B3GALT1: variants seen among roughly 807,000 people sequenced by gnomAD.
The protein encoded by B3GALT1 is UDP-Gal:betaGlcNAc beta 1,3-galactosyltransferase, polypeptide 1.
Under a neutral mutation model 23.2 loss-of-function variants are expected in B3GALT1, and 10 were observed. The ratio of observed to expected loss-of-function variants is 0.43; its 90% confidence interval spans 0.27 to 0.73. B3GALT1 has a LOEUF of 0.73. Among genes scored for constraint, B3GALT1 ranks in the 30% least tolerant of loss-of-function variants. B3GALT1 has a pLI of 0.21. For missense variants in B3GALT1, 299 were observed against 405.4 expected (o/e 0.74, Z 2.25); for synonymous variants, 156 against 141.5 (o/e 1.10, Z -0.73).
chr2:167,615,275 C>G (rs1252193578), intron 2 of B3GALT1, among the ~76,000 whole-genome samples: 1 of 151,908 alleles, frequency 6.6e-6, no homozygotes, highest in Non-Finnish European at 1.5e-5. Context: ...TAAAACAAGC[C>G]AGACACAGAA....
intron 1 of B3GALT1, among the ~76,000 whole-genome samples, chr2:167,364,850 T>C (rs934585139): frequency 6.6e-6 from 1 of 152,214 alleles, no homozygotes; most frequent in African/African-American, 2.4e-5. Context: ...ATTGCAAGAC[T>C]ATGTAGAATC....
intron 2 of B3GALT1, among the ~76,000 whole-genome samples, chr2:167,493,337 A>G (rs897146552): frequency 6.6e-6 from 1 of 152,108 alleles, no homozygotes; most frequent in African/African-American, 2.4e-5. Context: ...TAATATTTCC[A>G]TTTTCAAATA....
At chr2:167,395,105 G>A (rs1295068848) in intron 1 of B3GALT1, among the ~76,000 whole-genome samples, 1 of 152,084 alleles carries the variant, frequency 6.6e-6, no homozygotes, top group Non-Finnish European at 1.5e-5. Context: ...TGCTGTGATG[G>A]GTTGAGACTT....
At chr2:167,447,413 G>A (rs1055151261) in intron 1 of B3GALT1, among the ~76,000 whole-genome samples, 5 of 152,212 alleles carry the variant, frequency 3.3e-5, no homozygotes, top group African/African-American at 7.2e-5. Context: ...ATTTAAGTCT[G>A]CAGAAGTTTC....
chr2:167,441,687 TG>T (rs999733636), intron 1 of B3GALT1, among the ~76,000 whole-genome samples: 11 of 152,278 alleles, frequency 7.2e-5, no homozygotes, highest in African/African-American at 2.2e-4. Flanking sequence ...AGATGCTCTC[TG>T]GTTTTAATGA....
rs183543272 is a variant in B3GALT1, at chr2:167,817,771, T to G, written c.-351-901T>G. Among the ~76,000 whole-genome samples the G allele has an allele frequency of 2.0e-3, 287 of 146,332 alleles. 1 individual carries two copies. Among genetic ancestry groups the G allele is most frequent in the African/African-American group, 7.6e-3 (273 of 35,888 alleles). On this transcript the variant is annotated intron_variant, in intron 3 of 4. Coordinates refer to ENST00000392690, the MANE Select transcript of B3GALT1 (RefSeq NM_020981.4). ...TTACTCTATGATATACATGAACAGT[T>G]AGTTAGAATAGAACATTCCACTTTT...
At chr2:167,701,792 T>C (rs185018157) in intron 3 of B3GALT1, among the ~76,000 whole-genome samples, 92 of 152,340 alleles carry the variant, frequency 6.0e-4, no homozygotes, top group Non-Finnish European at 1.0e-3. Flanking sequence ...TAACGTTTCC[T>C]GGCCAGGCAT....
chr2:167,850,165 C>T (rs1374076634), intron 4 of B3GALT1, among the ~76,000 whole-genome samples: 2 of 152,140 alleles, frequency 1.3e-5, no homozygotes, highest in Non-Finnish European at 2.9e-5. Context: ...GACTAATATC[C>T]AGAATCTACG....
chr2:167,512,580 GTATATATATATGTGTATA>G (rs1700030445), intron 2 of B3GALT1, among the ~76,000 whole-genome samples: 1 of 47,044 alleles, frequency 2.1e-5, no homozygotes, highest in African/African-American at 8.5e-5. Context: ...ATATATATAT[GTATATATATATGTGTATA>G]TATATATATG....
intron 3 of B3GALT1, among the ~76,000 whole-genome samples, chr2:167,708,194 A>G (rs1686993357): frequency 1.3e-5 from 2 of 152,234 alleles, no homozygotes; most frequent in African/African-American, 4.8e-5. Flanking sequence ...AATGTAGGAA[A>G]TAATAAAGCC....
intron 1 of B3GALT1, among the ~76,000 whole-genome samples, chr2:167,364,025 A>G (rs1697544312): frequency 1.3e-5 from 2 of 151,964 alleles, no homozygotes; most frequent in South Asian, 4.1e-4. Flanking sequence ...TTAGCCAGGC[A>G]TGGCGGCTGG....
chr2:167,506,501 G>A (rs1027879346), intron 2 of B3GALT1, among the ~76,000 whole-genome samples: 1 of 152,194 alleles, frequency 6.6e-6, no homozygotes, highest in Non-Finnish European at 1.5e-5. Context: ...GAAACTCGAT[G>A]AGCTGATAAA....
At position 167,869,134 on chromosome 2, in the gene B3GALT1, AC is replaced by A; in HGVS notation, c.96del (p.Tyr32Ter). The stretch of plus-strand genomic sequence containing the variant: ...AGTATAACTCGCCCTACTTCTTCTT[AC>A]ACTGGCTCCAAACCATTCAGCCACC... ...YLSITRPTSS[Y>X]TGSKPFSHLT... On this transcript the variant is annotated frameshift_variant, in exon 5 of 5. Transcript: ENST00000392690. LOFTEE classifies it high-confidence loss of function. The surrounding 1 kb of genome is among the most constrained non-coding windows in gnomAD (Gnocchi z 6.4). 1 of 1,614,212 alleles carries A rather than the reference AC, an allele frequency of 6.2e-7. No homozygotes were observed. Among genetic ancestry groups the A allele is most frequent in the Non-Finnish European group, 8.5e-7 (1 of 1,180,036 alleles).
At chr2:167,781,285 T>A (rs1175066469) in intron 3 of B3GALT1, among the ~76,000 whole-genome samples, 2 of 152,138 alleles carry the variant, frequency 1.3e-5, no homozygotes, top group Non-Finnish European at 2.9e-5. Flanking sequence ...ATTTTTTGGA[T>A]CCAGCACAGC....
At chr2:167,666,902 C>G (rs1023561961) in intron 3 of B3GALT1, among the ~76,000 whole-genome samples, 2 of 152,126 alleles carry the variant, frequency 1.3e-5, no homozygotes, top group African/African-American at 4.8e-5. Flanking sequence ...GACTCTTTAT[C>G]CAATTTGCCA....
At chr2:167,666,306 T>G (rs1686186709) in intron 3 of B3GALT1, among the ~76,000 whole-genome samples, 1 of 152,228 alleles carries the variant, frequency 6.6e-6, no homozygotes, top group Non-Finnish European at 1.5e-5. Flanking sequence ...TGCACTGTGG[T>G]CTGAAAGACA....
intron 3 of B3GALT1, among the ~76,000 whole-genome samples, chr2:167,743,780 T>A (rs762447704): frequency 6.6e-6 from 1 of 152,130 alleles, no homozygotes; most frequent in South Asian, 2.1e-4. Context: ...CAACTTTGGC[T>A]GTGTTGACCA....
intron 3 of B3GALT1, among the ~76,000 whole-genome samples, chr2:167,777,708 C>A (rs1558976054): frequency 6.6e-6 from 1 of 152,144 alleles, no homozygotes; most frequent in Admixed American, 6.5e-5. Flanking sequence ...CCCCTGAGAC[C>A]AAATAACCTA....
intron 3 of B3GALT1, among the ~76,000 whole-genome samples, chr2:167,721,226 C>T (rs957873747): frequency 6.6e-6 from 1 of 152,158 alleles, no homozygotes; most frequent in African/African-American, 2.4e-5. Context: ...TTATTTAATG[C>T]AACCAGGAAA....
Sources: gnomAD v4.1 joint callset for allele counts (sites outside exome capture counted in the v4.1 genomes callset) on GRCh38, gnomAD v4.1.1 for gene constraint, Gnocchi (gnomAD v3.1) non-coding constraint, MANE v1.5 for transcripts, NCBI Gene and HGNC (gene_info 2026-07-23, HGNC 2026-07-21) for gene names.